The following MAGI2 variants were observed in gnomAD, a reference collection of about 807,000 sequenced individuals.
MAGI2 encodes the protein membrane associated guanylate kinase, WW and PDZ domain containing 2.
In MAGI2, 35 loss-of-function variants were observed where a neutral mutation model predicts 133.3. The observed-to-expected ratio is 0.26, with a 90% confidence interval of 0.20 to 0.35. The LOEUF (loss-of-function observed/expected upper bound fraction) is 0.35, where lower values mean the gene tolerates loss of function less well. Ranked by LOEUF, MAGI2 falls within the 10% of genes least tolerant of loss-of-function variation. MAGI2 has a pLI of 1.00. For missense variants in MAGI2, 1,636 were observed against 1,863.4 expected (o/e 0.88, Z 2.25); for synonymous variants, 729 against 710.6 (o/e 1.03, Z -0.41).
intron 1 of MAGI2, among the ~76,000 whole-genome samples, chr7:79,400,270 A>G (rs1347598860): frequency 1.3e-5 from 2 of 152,218 alleles, no homozygotes; most frequent in Non-Finnish European, 2.9e-5. Context: ...TGTTGTTTGT[A>G]TATAAAAAAC....
chr7:78,578,427 G>A (rs1357517680), intron 3 of MAGI2, among the ~76,000 whole-genome samples: 1 of 151,492 alleles, frequency 6.6e-6, no homozygotes, highest in Non-Finnish European at 1.5e-5. Flanking sequence ...AGGGAAAATG[G>A]GTGCATAAAG....
At chr7:78,926,434 C>T (rs1052262996) in intron 2 of MAGI2, among the ~76,000 whole-genome samples, 1 of 151,936 alleles carries the variant, frequency 6.6e-6, no homozygotes, top group African/African-American at 2.4e-5. Context: ...AATACAGAAC[C>T]ATCTCTAAGC....
chr7:78,858,878 C>T (rs1230582334), intron 2 of MAGI2, among the ~76,000 whole-genome samples: 1 of 152,104 alleles, frequency 6.6e-6, no homozygotes, highest in Non-Finnish European at 1.5e-5. Flanking sequence ...GTCTAAGTCT[C>T]TTTGTAGGTC....
intron 3 of MAGI2, among the ~76,000 whole-genome samples, chr7:78,524,363 A>G (rs916552011): frequency 2.0e-5 from 3 of 152,166 alleles, no homozygotes; most frequent in African/African-American, 7.2e-5. Context: ...TGTATGAGAA[A>G]GAGCTTTATT....
intron 2 of MAGI2, among the ~76,000 whole-genome samples, chr7:78,762,501 A>C (rs941607513): frequency 6.6e-6 from 1 of 152,260 alleles, no homozygotes; most frequent in African/African-American, 2.4e-5. Context: ...AAAAACAACT[A>C]AATAGAAATT....
At chr7:79,451,527 T>C (rs1353533816) in intron 1 of MAGI2, among the ~76,000 whole-genome samples, 2 of 152,218 alleles carry the variant, frequency 1.3e-5, no homozygotes, top group Admixed American at 1.3e-4. Context: ...TGTTGACTTA[T>C]AATAACCTAT....
chr7:79,252,342 A>G (rs1160998195), intron 1 of MAGI2, among the ~76,000 whole-genome samples: 1 of 152,094 alleles, frequency 6.6e-6, no homozygotes, highest in Non-Finnish European at 1.5e-5. Flanking sequence ...AACAAAGAAA[A>G]CAAACAAATG....
intron 7 of MAGI2, among the ~76,000 whole-genome samples, chr7:78,363,260 G>C (rs1793016935): frequency 6.6e-6 from 1 of 152,140 alleles, no homozygotes; most frequent in South Asian, 2.1e-4. Flanking sequence ...TTGCGAGGCC[G>C]AGGTGGGCGG....
At chr7:79,022,684 G>C (rs1191199188) in intron 1 of MAGI2, among the ~76,000 whole-genome samples, 1 of 142,232 alleles carries the variant, frequency 7.0e-6, no homozygotes, top group Non-Finnish European at 1.5e-5. Flanking sequence ...AATGACAAAG[G>C]GGACATTACA....
At chr7:78,564,903 C>T (rs1800785584) in intron 3 of MAGI2, among the ~76,000 whole-genome samples, 2 of 143,848 alleles carry the variant, frequency 1.4e-5, no homozygotes, top group African/African-American at 5.1e-5. Context: ...AGGCCATTCT[C>T]CTGCCTGAGC....
At chr7:78,586,216 C>G (rs1285547566) in intron 3 of MAGI2, among the ~76,000 whole-genome samples, 1 of 152,140 alleles carries the variant, frequency 6.6e-6, no homozygotes, top group African/African-American at 2.4e-5. Flanking sequence ...TGTTAGTTTC[C>G]TCCCTCTCTG....
At position 78,256,588 on chromosome 7, in the gene MAGI2, G is replaced by GA. The variant is rs746940252; in HGVS notation, c.1409-8dup. On this transcript the variant is annotated splice_polypyrimidine_tract_variant and splice_region_variant and intron_variant, in intron 9 of 21. Transcript: ENST00000354212. ...ATATAGACAATGACATCACCTGTAA[G>GA]AAAAAAAGAGATTGACAACATGAGG... The GA allele has an allele frequency of 9.4e-6, 15 of 1,595,128 alleles. No homozygotes were observed. The highest frequency in any genetic ancestry group is 1.7e-4 in the Middle Eastern group (1 of 5,984).
At chr7:78,367,284 G>C (rs777415799) in intron 7 of MAGI2, among the ~76,000 whole-genome samples, 6 of 152,158 alleles carry the variant, frequency 3.9e-5, no homozygotes. Context: ...TTCTGACACA[G>C]GGGTGTCTTG....
intron 2 of MAGI2, among the ~76,000 whole-genome samples, chr7:78,886,607 AT>A (rs1243280269): frequency 1.3e-5 from 2 of 152,144 alleles, no homozygotes; most frequent in African/African-American, 4.8e-5. Context: ...TGGAGGCAAC[AT>A]TTGGAGTAGA....
At chr7:78,283,581 T>A (rs1190621684) in intron 9 of MAGI2, among the ~76,000 whole-genome samples, 1 of 152,236 alleles carries the variant, frequency 6.6e-6, no homozygotes, top group East Asian at 1.9e-4. Flanking sequence ...TAATAAATGA[T>A]TTTAAATTTC....
intron 1 of MAGI2, among the ~76,000 whole-genome samples, chr7:79,129,823 G>A (rs1490639693): frequency 1.3e-5 from 2 of 152,266 alleles, no homozygotes; most frequent in East Asian, 3.9e-4. Flanking sequence ...AGAGCAAGAA[G>A]ATAAAGGTGT....
In MAGI2 at chr7:78,501,774, A is replaced by G; in HGVS notation, c.768T>C (p.His256=). The G allele has an allele frequency of 6.2e-7, 1 of 1,613,474 alleles. No individual in the cohort carries two copies. Among genetic ancestry groups the G allele is most frequent in the African/African-American group, 1.3e-5 (1 of 75,020 alleles). ...GVVVTPESSE[H]EDKSAGASGE... is the part of the protein sequence containing the mutation. The stretch of plus-strand genomic sequence containing the variant: ...CTGAGGCACCTGCACTTTTGTCTTC[A>G]TGTTCACTGGATTCTATAAGAGAAC... The change falls in exon 5 of 22, where the codon CAT becomes CAC. Residue 256 remains histidine (H), a synonymous_variant. Transcript: ENST00000354212.
At chr7:78,799,233 A>G (rs959339238) in intron 2 of MAGI2, among the ~76,000 whole-genome samples, 1 of 152,160 alleles carries the variant, frequency 6.6e-6, no homozygotes, top group Admixed American at 6.6e-5. Flanking sequence ...TGTTGATAGC[A>G]TACAAGGGGC....
intron 1 of MAGI2, among the ~76,000 whole-genome samples, chr7:79,144,186 A>G (rs1404005288): frequency 1.3e-5 from 2 of 152,190 alleles, no homozygotes; most frequent in African/African-American, 2.4e-5. Flanking sequence ...GGCATCATGT[A>G]ATTGTTAGTT....
Sources: gnomAD v4.1 joint callset for allele counts (sites outside exome capture counted in the v4.1 genomes callset) on GRCh38, gnomAD v4.1.1 for gene constraint, MANE v1.5 for transcripts, NCBI Gene and HGNC (gene_info 2026-07-23, HGNC 2026-07-21) for gene names.